THSD7B: variants seen among roughly 807,000 people sequenced by gnomAD.
The protein encoded by THSD7B is thrombospondin type-1 domain-containing protein 7B.
Under a neutral mutation model 213.6 loss-of-function variants are expected in THSD7B, and 138 were observed. The observed-to-expected ratio is 0.65, with a 90% CI of 0.56 to 0.74. The LOEUF is 0.74. Ranked by LOEUF, THSD7B falls within the 30% of genes least tolerant of loss-of-function variation. The probability of loss-of-function intolerance (pLI) is 0.00; values close to 1 mark genes in which losing one functional copy is unlikely to be tolerated. For missense variants in THSD7B, 1,931 were observed against 1,991.5 expected (o/e 0.97, Z 0.58); for synonymous variants, 742 against 687.0 (o/e 1.08, Z -1.25).
intron 12 of THSD7B, among the ~76,000 whole-genome samples, chr2:137,360,820 T>C (rs962770118): frequency 6.6e-6 from 1 of 152,180 alleles, no homozygotes; most frequent in African/African-American, 2.4e-5. Flanking sequence ...TCTGCAGACT[T>C]AAACATCCTT....
At chr2:137,563,401 A>T (rs1429022154) in intron 16 of THSD7B, 47 bp downstream of exon 16, 3 of 1,601,964 alleles carry the variant, frequency 1.9e-6, no homozygotes, top group African/African-American at 2.7e-5. Context: ...AGTGGAACTT[A>T]TACATTTTTT....
At chr2:137,140,127 T>G (rs1451076694) in intron 5 of THSD7B, among the ~76,000 whole-genome samples, 2 of 152,118 alleles carry the variant, frequency 1.3e-5, no homozygotes, top group East Asian at 3.9e-4. Flanking sequence ...TAAATAGTTT[T>G]TGGTGTAATT....
At chr2:136,917,789 C>A (rs2105030876) in intron 2 of THSD7B, among the ~76,000 whole-genome samples, 1 of 152,350 alleles carries the variant, frequency 6.6e-6, no homozygotes, top group East Asian at 1.9e-4. Flanking sequence ...AATAGTCCAT[C>A]TTGTGAACTG....
At position 137,054,305 on chromosome 2, in the gene THSD7B, AG is replaced by A. The variant is rs546109591; in HGVS notation, c.140-2114del. Among the ~76,000 whole-genome samples, 6 of 152,356 alleles carry A rather than the reference AG, an allele frequency of 3.9e-5. No homozygotes were observed. The East Asian group carries it at 1.2e-3, about 29-fold the overall frequency. On this transcript the variant is annotated intron_variant, in intron 2 of 27. Transcript: ENST00000409968. ...CAGTGAAACCTGTTCTGTTTCAGCA[AG>A]AGAAGTCTCTAGTATGTTTTCTATG...
chr2:137,548,854 T>C (rs1680789028), intron 15 of THSD7B, among the ~76,000 whole-genome samples: 1 of 152,044 alleles, frequency 6.6e-6, no homozygotes, highest in African/African-American at 2.4e-5. Context: ...TTATATTGCT[T>C]CTTTATACAA....
intron 1 of THSD7B, among the ~76,000 whole-genome samples, chr2:136,766,068 G>A (rs1681383995): frequency 6.6e-6 from 1 of 152,198 alleles, no homozygotes. Flanking sequence ...TACTGATGAA[G>A]GAAACCGGGG....
chr2:137,256,355 G>A (rs945362695), intron 10 of THSD7B, among the ~76,000 whole-genome samples: 5 of 152,156 alleles, frequency 3.3e-5, no homozygotes, highest in Non-Finnish European at 5.9e-5. Flanking sequence ...ATGAGTACAG[G>A]ACATTATGGA....
chr2:136,994,790 G>A (rs944826850), intron 2 of THSD7B, among the ~76,000 whole-genome samples: 20 of 152,126 alleles, frequency 1.3e-4, no homozygotes, highest in African/African-American at 4.8e-4. Flanking sequence ...TTCAAATACA[G>A]ATTACCCTCC....
chr2:136,840,149 C>A (rs188146054), intron 1 of THSD7B, among the ~76,000 whole-genome samples: 1 of 152,044 alleles, frequency 6.6e-6, no homozygotes, highest in Non-Finnish European at 1.5e-5. Context: ...GAGGCTGAGG[C>A]GGGCAGATCA....
At chr2:137,331,864 C>T (rs1573965911) in intron 12 of THSD7B, among the ~76,000 whole-genome samples, 1 of 152,316 alleles carries the variant, frequency 6.6e-6, no homozygotes. Context: ...CTAAGCCCCT[C>T]ATTGCCCGGG....
chr2:136,904,478 T>C (rs1275269032), intron 2 of THSD7B, among the ~76,000 whole-genome samples: 2 of 152,206 alleles, frequency 1.3e-5, no homozygotes, highest in Non-Finnish European at 2.9e-5. Context: ...AGGGGCATGT[T>C]CTGGTAGGGC....
chr2:137,238,778 C>T (rs1479746637), intron 9 of THSD7B, among the ~76,000 whole-genome samples: 1 of 150,902 alleles, frequency 6.6e-6, no homozygotes, highest in Admixed American at 6.6e-5. Context: ...TGGTCTCGAT[C>T]TCCTGACCTC....
chr2:137,160,500 C>G, intron 6 of THSD7B, 132 bp downstream of exon 6: 2 of 1,214,210 alleles, frequency 1.6e-6, no homozygotes, highest in Non-Finnish European at 2.2e-6. Flanking sequence ...TCAAGCCTAA[C>G]GGTATTCAGT....
rs78555606 is a variant in THSD7B at position 137,034,848 on chromosome 2, G to A, written c.140-21572G>A. 0.018 allele frequency among the ~76,000 whole-genome samples: 2,702 copies of A among 152,250 alleles called. 115 individuals are homozygous for A. In the East Asian group the frequency reaches 0.19, roughly 10 times the overall value. On this transcript the variant is annotated intron_variant, in intron 2 of 27. Coordinates refer to ENST00000409968, the MANE Select transcript of THSD7B (RefSeq NM_001316349.2). ...TTTGTCCAGTCTATAATTGATGGGC[G>A]TTTGGGTTGGTTTCAAGTCTTTGCT...
At chr2:136,967,135 C>G (rs1396140166) in intron 2 of THSD7B, among the ~76,000 whole-genome samples, 2 of 152,138 alleles carry the variant, frequency 1.3e-5, no homozygotes, top group Non-Finnish European at 2.9e-5. Context: ...CTGAAAAAAG[C>G]ATTTCTTAGT....
chr2:137,342,779 A>T (rs1461803981), intron 12 of THSD7B, among the ~76,000 whole-genome samples: 1 of 151,620 alleles, frequency 6.6e-6, no homozygotes, highest in East Asian at 1.9e-4. Flanking sequence ...TTTATACCTA[A>T]AGAGATGATC....
intron 1 of THSD7B, among the ~76,000 whole-genome samples, chr2:136,797,478 T>C (rs779594208): frequency 7.2e-5 from 11 of 152,056 alleles, no homozygotes; most frequent in East Asian, 3.9e-4. Context: ...CTAGTGCAGA[T>C]GGAACTTCAC....
At chr2:137,259,396 C>T (rs1448280932) in intron 10 of THSD7B, among the ~76,000 whole-genome samples, 1 of 152,114 alleles carries the variant, frequency 6.6e-6, no homozygotes, top group Admixed American at 6.5e-5. Flanking sequence ...CATGAGGTGA[C>T]ATCTCATTGT....
intron 15 of THSD7B, among the ~76,000 whole-genome samples, chr2:137,562,278 C>T (rs911666700): frequency 1.3e-5 from 2 of 152,038 alleles, no homozygotes; most frequent in Non-Finnish European, 2.9e-5. Flanking sequence ...ATAGGTGGAA[C>T]CATTCTTTGT....
Sources: gnomAD v4.1 joint callset for allele counts (sites outside exome capture counted in the v4.1 genomes callset) on GRCh38, gnomAD v4.1.1 for gene constraint, MANE v1.5 for transcripts, NCBI Gene and HGNC (gene_info 2026-07-23, HGNC 2026-07-21) for gene names.